Variants in DTD1 observed in about 807,000 individuals in gnomAD.
DTD1 encodes D-tyrosyl-tRNA deacylase 1 homolog.
DTD1 carries 13 observed loss-of-function variants against 25.6 expected under a neutral mutation model. The ratio of observed to expected loss-of-function variants is 0.51; its 90% confidence interval spans 0.33 to 0.81. The LOEUF is 0.81. DTD1 is among the 30% of genes least tolerant of loss of function. The probability of loss-of-function intolerance (pLI) is 0.02; values close to 1 mark genes in which losing one functional copy is unlikely to be tolerated. For synonymous variants in DTD1, 110 were observed against 103.6 expected (o/e 1.06, Z -0.37); for missense variants, 193 against 266.4 (o/e 0.72, Z 1.92).
chr20:18,696,653 C>T (rs2061078523), intron 4 of DTD1, among the ~76,000 whole-genome samples: 1 of 152,042 alleles, frequency 6.6e-6, no homozygotes, highest in South Asian at 2.1e-4. Flanking sequence ...CTCCCGGGTT[C>T]AAGTGATTCT....
chr20:18,749,641 G>A lies in DTD1; in HGVS notation c.*19+5370G>A, dbSNP rs921260180. On this transcript the variant is annotated intron_variant, in intron 5 of 5. Transcript: ENST00000377452. The surrounding 1 kb of genome is among the most constrained non-coding windows in gnomAD (Gnocchi z 4.2). ...CTGGTGAGAACTGAGACGAGGCCAG[G>A]TCAGCCAGAGAGGGCCTTGGGTCCC... Among the ~76,000 whole-genome samples, 1 of 152,144 alleles carries A rather than the reference G, an allele frequency of 6.6e-6. No individual in the cohort carries two copies. Among genetic ancestry groups the A allele is most frequent in the African/African-American group, 2.4e-5 (1 of 41,414 alleles).
chr20:18,742,453 A>G (rs2061282042), intron 4 of DTD1, among the ~76,000 whole-genome samples: 1 of 152,194 alleles, frequency 6.6e-6, no homozygotes, highest in Non-Finnish European at 1.5e-5. Flanking sequence ...TGAGCAGCCT[A>G]TGAACGAGCA....
Position 18,653,504 on chromosome 20 carries a change from C to A in DTD1, c.477+25271C>A, listed in dbSNP as rs146455446. 9.2e-5 allele frequency among the ~76,000 whole-genome samples: 14 copies of A among 152,274 alleles called. No individual in the cohort carries two copies. In the East Asian group the frequency reaches 2.7e-3, roughly 29 times the overall value. On this transcript the variant is annotated intron_variant, in intron 4 of 5. Coordinates refer to ENST00000377452, the MANE Select transcript of DTD1 (RefSeq NM_080820.6). ...GATTTTTGAGTGTGAAATAAGAATA[C>A]TCTAAAAATTAAAGTAAGCTTATGA...
At chr20:18,615,857 C>T (rs193030802) in intron 3 of DTD1, among the ~76,000 whole-genome samples, 4 of 152,278 alleles carry the variant, frequency 2.6e-5, no homozygotes, top group African/African-American at 9.6e-5. Context: ...CCATGATGCC[C>T]GTGCCTCTCC....
chr20:18,690,721 T>C (rs769776075), intron 4 of DTD1, among the ~76,000 whole-genome samples: 1 of 151,146 alleles, frequency 6.6e-6, no homozygotes, highest in African/African-American at 2.5e-5. Context: ...TTTGTACCAG[T>C]ATCATGCTGT....
chr20:18,765,567 T>G lies in DTD1; in HGVS notation c.*2227T>G, dbSNP rs1363285814. The G allele has an allele frequency of 2.6e-5, 4 of 152,150 alleles. No individual in the cohort carries two copies. The allele number at this position is 152,150 out of a possible 1,614,324, so 9.4% of individuals were successfully genotyped here. On this transcript the variant is annotated 3_prime_UTR_variant, in exon 6 of 6. Coordinates refer to ENST00000377452, the MANE Select transcript of DTD1 (RefSeq NM_080820.6). ...GCAGTGAATACACCGAAGTCTGGCC[T>G]AAGAGGGTCAGATCTAACCACAGGG...
At chr20:18,634,985 G>A (rs945951045) in intron 4 of DTD1, among the ~76,000 whole-genome samples, 6 of 152,164 alleles carry the variant, frequency 3.9e-5, no homozygotes, top group African/African-American at 1.4e-4. Flanking sequence ...TAATAACTTT[G>A]CATCTCTTCA....
At chr20:18,722,874 A>T (rs2061209725) in intron 4 of DTD1, among the ~76,000 whole-genome samples, 1 of 152,218 alleles carries the variant, frequency 6.6e-6, no homozygotes, top group Admixed American at 6.5e-5. Flanking sequence ...GTTTCTGTCA[A>T]AATCTGAAAA....
chr20:18,750,473 C>G (rs750182171), intron 5 of DTD1, among the ~76,000 whole-genome samples: 1 of 152,106 alleles, frequency 6.6e-6, no homozygotes, highest in Non-Finnish European at 1.5e-5. Context: ...CTTTGAGTTT[C>G]CAAGGCACGA....
At chr20:18,666,134 T>TGG (rs1296044213) in intron 4 of DTD1, among the ~76,000 whole-genome samples, 15 of 152,350 alleles carry the variant, frequency 9.8e-5, no homozygotes, top group Admixed American at 9.1e-4. Context: ...TTTCACCACC[T>TGG]TGACAGTCTT....
At chr20:18,593,966 G>A in intron 2 of DTD1, 145 bp downstream of exon 2, 1 of 677,258 alleles carries the variant, frequency 1.5e-6, no homozygotes, top group Non-Finnish European at 2.7e-6. Flanking sequence ...TTATCTCCGT[G>A]TTTCAGAGAA....
chr20:18,594,845 AGCTAATACTTAGC>A (rs1268737512), intron 2 of DTD1, among the ~76,000 whole-genome samples: 7 of 152,204 alleles, frequency 4.6e-5, no homozygotes, highest in Non-Finnish European at 1.0e-4. Context: ...CATACTACAG[AGCTAATACTTAGC>A]CTGGTGCTTA....
chr20:18,755,919 C>T (rs2061337364), intron 5 of DTD1, among the ~76,000 whole-genome samples: 1 of 152,184 alleles, frequency 6.6e-6, no homozygotes, highest in African/African-American at 2.4e-5. Context: ...TCTCCACATC[C>T]TCTCCAGCCC....
intron 4 of DTD1, among the ~76,000 whole-genome samples, chr20:18,708,022 G>C (rs1358100061): frequency 6.6e-6 from 1 of 150,466 alleles, no homozygotes; most frequent in Non-Finnish European, 1.5e-5. Context: ...GGGATGGTTA[G>C]GAGCTTGGGG....
chr20:18,683,730 G>A (rs965982026), intron 4 of DTD1, among the ~76,000 whole-genome samples: 2 of 152,204 alleles, frequency 1.3e-5, no homozygotes, highest in Admixed American at 1.3e-4. Context: ...CTTCTTTGGG[G>A]GTAGTTTTAT....
intron 4 of DTD1, among the ~76,000 whole-genome samples, chr20:18,716,135 G>T (rs1451446835): frequency 2.0e-5 from 3 of 152,150 alleles, no homozygotes; most frequent in Admixed American, 6.5e-5. Context: ...CTATTTTAGA[G>T]CCATGTGTGT....
At chr20:18,594,189 G>A (rs181210715) in intron 2 of DTD1, among the ~76,000 whole-genome samples, 2 of 152,064 alleles carry the variant, frequency 1.3e-5, no homozygotes, top group Admixed American at 6.5e-5. Flanking sequence ...CTACTAGCTC[G>A]CTGTGCACAT....
At chr20:18,722,959 G>A (rs2061210283) in intron 4 of DTD1, among the ~76,000 whole-genome samples, 3 of 152,276 alleles carry the variant, frequency 2.0e-5, no homozygotes, top group Non-Finnish European at 4.4e-5. Context: ...GACAAAAAAA[G>A]TCAAAACACA....
intron 4 of DTD1, chr20:18,642,723 A>C (rs1473590197): frequency 6.5e-6 from 1 of 152,682 alleles, no homozygotes; most frequent in African/African-American, 2.4e-5. Flanking sequence ...GGGAAGTGAC[A>C]GTTGCTAGTG....
Sources: allele counts gnomAD v4.1 joint callset (sites outside exome capture counted in the v4.1 genomes callset), GRCh38; gene constraint gnomAD v4.1.1; non-coding constraint Gnocchi (gnomAD v3.1); transcripts MANE v1.5; gene names NCBI Gene and HGNC (gene_info 2026-07-23, HGNC 2026-07-21).